The following BBS9 variants were observed in gnomAD, a reference collection of about 807,000 sequenced individuals.
BBS9 encodes the protein protein PTHB1.
Under a neutral mutation model 117.7 loss-of-function variants are expected in BBS9, and 89 were observed. The observed-to-expected ratio is 0.76, with a 90% CI of 0.64 to 0.90. BBS9 has a LOEUF of 0.90. Among genes scored for constraint, BBS9 ranks in the 40% least tolerant of loss-of-function variants. BBS9 has a pLI of 0.00. For missense variants in BBS9, 982 were observed against 1,042.2 expected (o/e 0.94, Z 0.80); for synonymous variants, 379 against 370.9 (o/e 1.02, Z -0.25).
At chr7:33,157,106 A>C (rs1357014592) in intron 4 of BBS9, among the ~76,000 whole-genome samples, 4 of 152,160 alleles carry the variant, frequency 2.6e-5, no homozygotes, top group Admixed American at 6.6e-5. Context: ...TAAGCAGGGC[A>C]GAGAGGAGGG....
At chr7:33,445,447 T>C (rs951802669) in intron 19 of BBS9, among the ~76,000 whole-genome samples, 1 of 152,132 alleles carries the variant, frequency 6.6e-6, no homozygotes, top group Non-Finnish European at 1.5e-5. Flanking sequence ...TGCCAGTACA[T>C]CATGGTAAAT....
At chr7:33,423,467 G>A (rs958786963) in intron 19 of BBS9, among the ~76,000 whole-genome samples, 8 of 151,888 alleles carry the variant, frequency 5.3e-5, no homozygotes, top group African/African-American at 7.3e-5. Flanking sequence ...CAGGGCCCAC[G>A]GGTGTGCACA....
chr7:33,188,261 G>C (rs2128186081), intron 5 of BBS9, among the ~76,000 whole-genome samples: 1 of 151,962 alleles, frequency 6.6e-6, no homozygotes, highest in East Asian at 1.9e-4. Context: ...CAATTTTATG[G>C]TCTTCAGTAT....
At chr7:33,297,824 C>T (rs1219895611) in intron 9 of BBS9, among the ~76,000 whole-genome samples, 1 of 152,276 alleles carries the variant, frequency 6.6e-6, no homozygotes, top group East Asian at 1.9e-4. Context: ...ACAGATTTAA[C>T]TTTGTTAAAC....
rs1483088023 is a variant in BBS9 at position 33,170,774 on chromosome 7, T to C, written c.329-6704T>C. 4.0e-5 allele frequency among the ~76,000 whole-genome samples: 6 copies of C among 150,012 alleles called. No individual in the cohort carries two copies. The South Asian group carries it at 1.1e-3, about 27-fold the overall frequency. ...GCAAAGTCTCAGGATACAAAATCAA[T>C]GTACAAAAATCACAAGCATTCTTAT... is the stretch of plus-strand genomic sequence containing the variant. On this transcript the variant is annotated intron_variant, in intron 4 of 22. Coordinates refer to ENST00000242067, the MANE Select transcript of BBS9 (RefSeq NM_198428.3).
At chr7:33,224,339 G>A (rs1027881103) in intron 5 of BBS9, among the ~76,000 whole-genome samples, 4 of 152,158 alleles carry the variant, frequency 2.6e-5, no homozygotes, top group Non-Finnish European at 4.4e-5. Flanking sequence ...TGGACCTGGT[G>A]GATCTGACCC....
At chr7:33,156,315 A>G (rs956451107) in intron 4 of BBS9, among the ~76,000 whole-genome samples, 13 of 152,154 alleles carry the variant, frequency 8.5e-5, no homozygotes, top group African/African-American at 3.1e-4. Context: ...TTTTATTTCA[A>G]TTATTAGATA....
intron 12 of BBS9, chr7:33,346,341 G>A: frequency 2.2e-6 from 1 of 450,652 alleles, no homozygotes; most frequent in South Asian, 1.7e-5. Flanking sequence ...ATGTGTGCAT[G>A]ATGCGTGACC....
chr7:33,165,400 C>G (rs1795515844), intron 4 of BBS9, among the ~76,000 whole-genome samples: 1 of 152,092 alleles, frequency 6.6e-6, no homozygotes, highest in Non-Finnish European at 1.5e-5. Context: ...GGGAAGTTCT[C>G]CTGGATAATA....
intron 17 of BBS9, among the ~76,000 whole-genome samples, chr7:33,376,654 C>G (rs1481764482): frequency 6.6e-6 from 1 of 152,168 alleles, no homozygotes; most frequent in East Asian, 1.9e-4. Flanking sequence ...ATTTACACCC[C>G]CACCAGCAGT....
chr7:33,410,852 C>G (rs1830991712), intron 19 of BBS9, among the ~76,000 whole-genome samples: 1 of 145,238 alleles, frequency 6.9e-6, no homozygotes, highest in African/African-American at 2.6e-5. Flanking sequence ...CTTTGTGTTT[C>G]TCTTCTAGAT....
rs569593900 is a variant in BBS9 at position 33,514,607 on chromosome 7, A to G, written c.2298+8962A>G. Among the ~76,000 whole-genome samples the G allele has an allele frequency of 4.6e-5, 7 of 152,344 alleles. No homozygotes were observed. The South Asian group carries it at 6.2e-4, about 14-fold the overall frequency. On this transcript the variant is annotated intron_variant, in intron 20 of 22. Coordinates refer to ENST00000242067, the MANE Select transcript of BBS9 (RefSeq NM_198428.3). ...TGGGTACTGTAAATGATTTACTGTA[A>G]CATAAAACACATCGAGTGAGAAAAA...
intron 20 of BBS9, among the ~76,000 whole-genome samples, chr7:33,527,473 T>G (rs1027770964): frequency 6.6e-6 from 1 of 152,206 alleles, no homozygotes; most frequent in African/African-American, 2.4e-5. Flanking sequence ...TAAGCGGGTC[T>G]GAAAAGCGCA....
chr7:33,218,177 A>G (rs1327591941), intron 5 of BBS9, among the ~76,000 whole-genome samples: 1 of 152,218 alleles, frequency 6.6e-6, no homozygotes, highest in South Asian at 2.1e-4. Context: ...TTTAATTACA[A>G]CTGTATATAG....
chr7:33,350,292 A>T (rs1226678462), intron 13 of BBS9, among the ~76,000 whole-genome samples: 1 of 152,210 alleles, frequency 6.6e-6, no homozygotes, highest in Admixed American at 6.5e-5. Flanking sequence ...GAATTCAACA[A>T]ATCTTTGCAG....
chr7:33,469,598 T>C (rs956709717), intron 19 of BBS9, among the ~76,000 whole-genome samples: 4 of 152,158 alleles, frequency 2.6e-5, no homozygotes, highest in African/African-American at 7.2e-5. Flanking sequence ...TGGGAAAATA[T>C]CTGGAGGGTT....
intron 9 of BBS9, among the ~76,000 whole-genome samples, chr7:33,286,280 G>A (rs990046320): frequency 6.6e-6 from 1 of 152,020 alleles, no homozygotes; most frequent in African/African-American, 2.4e-5. Context: ...TGTGTTTTGG[G>A]TTCCTCATTC....
At chr7:33,206,331 T>C (rs892500692) in intron 5 of BBS9, among the ~76,000 whole-genome samples, 2 of 152,242 alleles carry the variant, frequency 1.3e-5, no homozygotes, top group East Asian at 3.8e-4. Context: ...TAAGCCATTG[T>C]ATTTTGGGAT....
chr7:33,455,707 T>A (rs1838560304), intron 19 of BBS9, among the ~76,000 whole-genome samples: 1 of 152,076 alleles, frequency 6.6e-6, no homozygotes, highest in Admixed American at 6.6e-5. Context: ...GGGTACTGAT[T>A]TTCTTTAAAA....
Sources: gnomAD v4.1 joint callset for allele counts (sites outside exome capture counted in the v4.1 genomes callset) on GRCh38, gnomAD v4.1.1 for gene constraint, MANE v1.5 for transcripts, NCBI Gene and HGNC (gene_info 2026-07-23, HGNC 2026-07-21) for gene names.